PREX2: variants seen among roughly 807,000 people sequenced by gnomAD.
PREX2 encodes phosphatidylinositol-3,4,5-trisphosphate dependent Rac exchange factor 2, also known as phosphatidylinositol 3,4,5-trisphosphate-dependent Rac exchanger 2 protein.
Under a neutral mutation model 203.2 loss-of-function variants are expected in PREX2, and 107 were observed. The ratio of observed to expected loss-of-function variants is 0.53; its 90% CI spans 0.45 to 0.62. The LOEUF (loss-of-function observed/expected upper bound fraction) is 0.62, where lower values mean the gene tolerates loss of function less well. Ranked by LOEUF, PREX2 falls within the 20% of genes least tolerant of loss-of-function variation. The pLI, the probability that PREX2 is intolerant of heterozygous loss-of-function variation, is 0.00. For synonymous variants in PREX2, 672 were observed against 663.6 expected, an observed-to-expected ratio of 1.01 and a Z score of -0.19; for missense variants, 1,777 against 1,955.9, an observed-to-expected ratio of 0.91 and a Z score of 1.72.
intron 1 of PREX2, among the ~76,000 whole-genome samples, chr8:68,010,275 A>T (rs944615648): frequency 6.6e-6 from 1 of 152,244 alleles, no homozygotes; most frequent in Non-Finnish European, 1.5e-5. Context: ...TAGTTAAAAA[A>T]TAAACAGAAT....
At chr8:68,159,504 G>A (rs1197004706) in intron 35 of PREX2, among the ~76,000 whole-genome samples, 2 of 152,132 alleles carry the variant, frequency 1.3e-5, no homozygotes, top group Non-Finnish European at 2.9e-5. Context: ...ACTGTCTGCA[G>A]TACTTGTAAA....
intron 11 of PREX2, among the ~76,000 whole-genome samples, chr8:68,065,375 G>A (rs1012077501): frequency 6.6e-6 from 1 of 152,174 alleles, no homozygotes; most frequent in Non-Finnish European, 1.5e-5. Context: ...AGAGTTTCAC[G>A]TTATTTCTCT....
At chr8:67,971,218 C>A (rs1338813970) in intron 1 of PREX2, among the ~76,000 whole-genome samples, 3 of 152,034 alleles carry the variant, frequency 2.0e-5, no homozygotes, top group Non-Finnish European at 4.4e-5. Flanking sequence ...CAGAAAGCGT[C>A]GTCTGGGAGG....
intron 19 of PREX2, among the ~76,000 whole-genome samples, chr8:68,089,461 C>T (rs185056277): frequency 5.3e-5 from 8 of 152,292 alleles, no homozygotes; most frequent in East Asian, 1.9e-4. Context: ...AAAGACTTCA[C>T]AGTTGGCTCT....
At chr8:67,970,620 G>A (rs574825044) in intron 1 of PREX2, among the ~76,000 whole-genome samples, 14 of 152,262 alleles carry the variant, frequency 9.2e-5, no homozygotes, top group African/African-American at 3.1e-4. Context: ...CACACTAATA[G>A]CTACAGACTC....
chr8:68,086,302 C>T (rs1029106312), intron 18 of PREX2, among the ~76,000 whole-genome samples: 3 of 152,140 alleles, frequency 2.0e-5, no homozygotes, highest in African/African-American at 7.2e-5. Context: ...CAGTGCCAGC[C>T]TCTCTGCCTT....
Position 68,147,200 on chromosome 8 carries a change from C to T in PREX2, c.4231+848C>T, listed in dbSNP as rs912397406. Among the ~76,000 whole-genome samples the T allele has an allele frequency of 3.9e-5, 6 of 152,138 alleles. No individual in the cohort carries two copies. The South Asian group carries it at 1.2e-3, about 32-fold the overall frequency. Reference sequence around the variant, plus strand: ...CTACATTGGTTTTGCTGTGGAATTTCAATGCTCTAATAAAAAATGAGAAGA... The same window carrying T: ...CTACATTGGTTTTGCTGTGGAATTTTAATGCTCTAATAAAAAATGAGAAGA... On this transcript the variant is annotated intron_variant, in intron 34 of 39. Transcript: ENST00000288368.
intron 8 of PREX2, among the ~76,000 whole-genome samples, chr8:68,045,763 T>C (rs1282063917): frequency 6.6e-6 from 1 of 152,096 alleles, no homozygotes; most frequent in Non-Finnish European, 1.5e-5. Context: ...TTCAAATCCC[T>C]TTCTATGCTA....
At chr8:68,010,112 C>T (rs1331644162) in intron 1 of PREX2, among the ~76,000 whole-genome samples, 6 of 152,182 alleles carry the variant, frequency 3.9e-5, no homozygotes, top group African/African-American at 1.4e-4. Flanking sequence ...CCTCAATAAA[C>T]TTTTTCTATC....
At chr8:68,096,391 A>T (rs1810074203) in intron 21 of PREX2, among the ~76,000 whole-genome samples, 1 of 152,198 alleles carries the variant, frequency 6.6e-6, no homozygotes, top group Non-Finnish European at 1.5e-5. Context: ...TAGGTTTCCC[A>T]GGAGTTTCTT....
At chr8:67,984,744 G>T (rs747284914) in intron 1 of PREX2, among the ~76,000 whole-genome samples, 5 of 152,194 alleles carry the variant, frequency 3.3e-5, no homozygotes, top group Admixed American at 6.5e-5. Flanking sequence ...TACAGCTGAG[G>T]ACTCTCGAAT....
Position 68,157,473 on chromosome 8 carries a change from A to G in PREX2, c.4346+37A>G, listed in dbSNP as rs780093469. Reference sequence around the variant, plus strand: ...TCCAACTGAAAAATAATGAGTGTCTATATTTTGATAGAAATGTATTAATAG... The same window carrying G: ...TCCAACTGAAAAATAATGAGTGTCTGTATTTTGATAGAAATGTATTAATAG... On this transcript the variant is annotated intron_variant, in intron 35 of 39. Transcript: ENST00000288368. The G allele has an allele frequency of 8.4e-6, 9 of 1,076,194 alleles. No individual in the cohort carries two copies. The South Asian group carries it at 1.2e-4, about 15-fold the overall frequency. 66.7% of individuals were successfully genotyped at this position (1,076,194 alleles called of 1,614,324 possible). A position where few individuals can be genotyped will look rare whatever the true frequency, so the allele number is the denominator to read the frequency against.
chr8:68,229,197 T>C (rs1172138880), intron 39 of PREX2, among the ~76,000 whole-genome samples: 2 of 84,028 alleles, frequency 2.4e-5, no homozygotes, highest in Non-Finnish European at 5.7e-5. Flanking sequence ...AGTTCTGCTC[T>C]TGGCAGATTT....
At position 68,084,301 on chromosome 8, in the gene PREX2, A is replaced by G. The variant is rs1244845239; in HGVS notation, c.2027+913A>G. Among the ~76,000 whole-genome samples, 3 of 152,306 alleles carry G rather than the reference A, an allele frequency of 2.0e-5. No individual in the cohort carries two copies. In the East Asian group the frequency reaches 5.8e-4, roughly 29 times the overall value. On this transcript the variant is annotated intron_variant, in intron 18 of 39. Coordinates refer to ENST00000288368, the MANE Select transcript of PREX2 (RefSeq NM_024870.4). Reference sequence around the variant, plus strand: ...GTCAATCATGATAAGCAACTTCATTAGTTTTAAAGCAAATGAAATTTAGCA... The same window carrying G: ...GTCAATCATGATAAGCAACTTCATTGGTTTTAAAGCAAATGAAATTTAGCA...
At chr8:68,093,532 C>G in intron 20 of PREX2, 73 bp from the exon 21 acceptor site, 1 of 624,876 alleles carries the variant, frequency 1.6e-6, no homozygotes, top group Non-Finnish European at 2.8e-6. Context: ...ATAAATAAGG[C>G]CAAGTCTCCA....
rs756885211 is a variant in PREX2 at position 68,120,227 on chromosome 8, A to G, written c.3536A>G (p.Gln1179Arg). The G allele has an allele frequency of 1.4e-5, 23 of 1,613,662 alleles. 1 individual carries two copies. In the South Asian group the frequency reaches 2.1e-4, roughly 15 times the overall value. Residue 1179 changes from glutamine (Q) to arginine (R), a missense_variant, in exon 29 of 40, where the codon CAG becomes CGG. Physicochemically the swap from Gln to Arg is conservative, Grantham distance 43. Transcript: ENST00000288368. ...VDSITNLLKG[Q>R]AVVRAFDQTK... Reference sequence around the variant, plus strand: ...TCAATTACCAATCTCCTAAAAGGGCAGGCTGTTGTGAGGGCCTTTGACCAA... The same window carrying G: ...TCAATTACCAATCTCCTAAAAGGGCGGGCTGTTGTGAGGGCCTTTGACCAA...
intron 38 of PREX2, among the ~76,000 whole-genome samples, 166 bp downstream of exon 38, chr8:68,217,884 GGCACCA>G (rs1812874645): frequency 6.6e-6 from 1 of 152,238 alleles, no homozygotes; most frequent in South Asian, 2.1e-4. Context: ...AGATGCTGCA[GGCACCA>G]GTCTGAGGTT....
In PREX2 at chr8:68,075,572, A is replaced by G. The variant is rs192266491; in HGVS notation, c.1570-1825A>G. 3.1e-3 allele frequency among the ~76,000 whole-genome samples: 475 copies of G among 152,248 alleles called. 2 individuals are homozygous for G. Among genetic ancestry groups the G allele is most frequent in the Non-Finnish European group, 5.1e-3 (350 of 68,024 alleles). On this transcript the variant is annotated intron_variant, in intron 14 of 39. Coordinates refer to ENST00000288368, the MANE Select transcript of PREX2 (RefSeq NM_024870.4). ...CTGCCTCATTGGGAATATGGATTAA[A>G]TTGGTTATTGGTAAAGTACTTACCT...
chr8:68,200,791 A>G (rs909379563), intron 37 of PREX2, among the ~76,000 whole-genome samples: 9 of 152,172 alleles, frequency 5.9e-5, no homozygotes, highest in African/African-American at 1.2e-4. Flanking sequence ...ATCAGGTGAT[A>G]TTGGCCAAAC....
Sources: allele counts gnomAD v4.1 joint callset (sites outside exome capture counted in the v4.1 genomes callset), GRCh38; gene constraint gnomAD v4.1.1; transcripts MANE v1.5; gene names NCBI Gene and HGNC (gene_info 2026-07-23, HGNC 2026-07-21).